The following OR2L13 variants were observed in gnomAD, a reference collection of about 807,000 sequenced individuals.
OR2L13 encodes olfactory receptor family 2 subfamily L member 13.
A neutral mutation model predicts 15.3 loss-of-function variants in OR2L13; 14 were observed. The observed-to-expected ratio is 0.91, with a 90% confidence interval of 0.60 to 1.43. The LOEUF (loss-of-function observed/expected upper bound fraction) is 1.43, where lower values mean the gene tolerates loss of function less well. OR2L13 is among the 40% of genes most tolerant of loss of function. The probability of loss-of-function intolerance (pLI) is 0.00; values close to 1 mark genes in which losing one functional copy is unlikely to be tolerated. For missense variants in OR2L13, 367 were observed against 387.9 expected (o/e 0.95, Z 0.45); for synonymous variants, 152 against 142.9 (o/e 1.06, Z -0.45).
At chr1:248,040,424 A>C in the OR2L13 span, 1 of 152,188 alleles carries the variant, frequency 6.6e-6, no homozygotes, top group African/African-American at 2.4e-5. Context: ...TGAGCAACAC[A>C]GATTTGAACT....
the OR2L13 span, chr1:248,022,626 A>T: frequency 6.2e-7 from 1 of 1,614,106 alleles, no homozygotes; most frequent in Non-Finnish European, 8.5e-7. Context: ...TGTCTACCGC[A>T]TGCACTCTGC....
At chr1:247,965,152 C>A in the OR2L13 span, 2 of 489,318 alleles carry the variant, frequency 4.1e-6, no homozygotes, top group Non-Finnish European at 7.1e-6. Flanking sequence ...TTAGGTAATT[C>A]TTCCAAAAAG....
the OR2L13 span, among the ~76,000 whole-genome samples, chr1:248,043,916 ATAT>A: frequency 6.6e-6 from 1 of 152,186 alleles, no homozygotes; most frequent in South Asian, 2.1e-4. Context: ...TCAAGAATCA[ATAT>A]TATTATCTTT....
chr1:248,074,857 A>G, the OR2L13 span, among the ~76,000 whole-genome samples: 2 of 152,300 alleles, frequency 1.3e-5, no homozygotes, highest in East Asian at 1.9e-4. Flanking sequence ...AAATCTTAGA[A>G]GACATAGACG....
chr1:248,065,931 T>C, the OR2L13 span, among the ~76,000 whole-genome samples: 1 of 152,144 alleles, frequency 6.6e-6, no homozygotes, highest in African/African-American at 2.4e-5. Context: ...TCCAGGAATC[T>C]CTGGTACATT....
the OR2L13 span, chr1:248,061,828 TA>T: frequency 2.4e-6 from 1 of 424,768 alleles, no homozygotes; most frequent in Non-Finnish European, 4.1e-6. Context: ...ATTGTTTCCA[TA>T]AATTTTGAAA....
chr1:247,986,939 T>G, the OR2L13 span, among the ~76,000 whole-genome samples: 2 of 152,234 alleles, frequency 1.3e-5, no homozygotes, highest in East Asian at 3.8e-4. Context: ...AAATACAGGA[T>G]ATATTTCCAT....
chr1:248,087,501 A>G, the OR2L13 span: 1 of 152,218 alleles, frequency 6.6e-6, no homozygotes, highest in Non-Finnish European at 1.5e-5. Context: ...CCTTTGCAGT[A>G]GAGAATCACA....
chr1:248,086,808 G>T, the OR2L13 span, among the ~76,000 whole-genome samples: 2 of 151,284 alleles, frequency 1.3e-5, no homozygotes, highest in Admixed American at 1.3e-4. Flanking sequence ...TAATACTTTT[G>T]TATTTTTATG....
the OR2L13 span, among the ~76,000 whole-genome samples, chr1:247,996,411 A>AAC: frequency 6.6e-6 from 1 of 152,252 alleles, no homozygotes; most frequent in Non-Finnish European, 1.5e-5. Flanking sequence ...AAATGCACTG[A>AAC]ACACAGACAT....
the OR2L13 span, chr1:247,948,968 T>A: frequency 6.2e-7 from 1 of 1,613,944 alleles, no homozygotes; most frequent in Non-Finnish European, 8.5e-7. Context: ...TCCTGATGGC[T>A]CTAATTGGAA....
chr1:248,060,452 CTA>C, the OR2L13 span, among the ~76,000 whole-genome samples: 1 of 152,146 alleles, frequency 6.6e-6, no homozygotes, highest in East Asian at 1.9e-4. Flanking sequence ...TATATTCATT[CTA>C]TTTTATTATA....
the OR2L13 span, among the ~76,000 whole-genome samples, chr1:248,036,273 A>C: frequency 6.6e-6 from 1 of 151,488 alleles, no homozygotes; most frequent in Non-Finnish European, 1.5e-5. Context: ...TAGATTTTTC[A>C]CTTTCGTATT....
At chr1:247,944,934 T>C in the OR2L13 span, among the ~76,000 whole-genome samples, 4 of 152,250 alleles carry the variant, frequency 2.6e-5, no homozygotes, top group Non-Finnish European at 4.4e-5. Flanking sequence ...ATCTATTTTA[T>C]TGATTTTTTT....
chr1:248,078,191 T>C, the OR2L13 span, among the ~76,000 whole-genome samples: 2 of 152,230 alleles, frequency 1.3e-5, no homozygotes, highest in South Asian at 2.1e-4. Flanking sequence ...GAATAAAAAA[T>C]GGTACAGCTG....
the OR2L13 span, among the ~76,000 whole-genome samples, chr1:248,068,641 C>T: frequency 2.0e-5 from 3 of 152,114 alleles, no homozygotes; most frequent in East Asian, 1.9e-4. Context: ...CTGACTTTGA[C>T]GAGAGAAGAA....
the OR2L13 span, among the ~76,000 whole-genome samples, chr1:248,026,852 T>G: frequency 6.6e-6 from 1 of 152,170 alleles, no homozygotes; most frequent in Admixed American, 6.5e-5. Context: ...CTGAGGAGGA[T>G]GTATGTCACC....
the OR2L13 span, among the ~76,000 whole-genome samples, chr1:247,944,589 G>A: frequency 6.6e-6 from 1 of 152,164 alleles, no homozygotes; most frequent in Non-Finnish European, 1.5e-5. Flanking sequence ...TTAGTTTGCT[G>A]AGGATAATGG....
chr1:248,060,679 C>T, the OR2L13 span: 2 of 1,608,378 alleles, frequency 1.2e-6, no homozygotes, highest in Non-Finnish European at 1.7e-6. Flanking sequence ...ACACGAATGC[C>T]CCATGGAAAA....
Sources: gnomAD v4.1 joint callset for allele counts (sites outside exome capture counted in the v4.1 genomes callset) on GRCh38, gnomAD v4.1.1 for gene constraint, MANE v1.5 for transcripts, NCBI Gene and HGNC (gene_info 2026-07-23, HGNC 2026-07-21) for gene names.